The following TRPM5 variants were observed in gnomAD, a reference collection of about 807,000 sequenced individuals.
The protein encoded by TRPM5 is MLSN1 and TRP-related.
In TRPM5, 121 loss-of-function variants were observed where a neutral mutation model predicts 124.9. The observed-to-expected ratio is 0.97, with a 90% CI of 0.84 to 1.13. The LOEUF (loss-of-function observed/expected upper bound fraction) is 1.13. Among genes scored for constraint, TRPM5 ranks in the 50% most tolerant of loss-of-function variants. TRPM5 has a pLI of 0.00. For missense variants in TRPM5, 1,643 were observed against 1,589.1 expected (o/e 1.03, Z -0.58); for synonymous variants, 781 against 700.5 (o/e 1.11, Z -1.81).
rs779526516 is a variant in TRPM5 at position 2,407,930 on chromosome 11, T to C, written c.2783-18A>G. 3 of 1,611,748 alleles carry C rather than the reference T, an allele frequency of 1.9e-6. No individual in the cohort carries two copies. In the East Asian group the frequency reaches 6.7e-5, roughly 36 times the overall value. On this transcript the variant is annotated intron_variant, in intron 18 of 23. Coordinates refer to ENST00000155858, the Ensembl canonical transcript of TRPM5. ...ACGGGCTTCTGGAAAGCAAGGGTGC[T>C]GTGGGGACCAGACCGGGGGCAGCCA...
chr11:2,421,482 C>A (rs1312334407), intron 2 of TRPM5, among the ~76,000 whole-genome samples: 2 of 152,224 alleles, frequency 1.3e-5, no homozygotes, highest in African/African-American at 4.8e-5. Context: ...CACCGTGCTC[C>A]CTCCGGGACA....
exon 20 of TRPM5, chr11:2,407,137 G>A (rs768102056): frequency 6.2e-7 from 1 of 1,603,340 alleles, no homozygotes; most frequent in South Asian, 1.1e-5. Flanking sequence ...TCCCGCTTGT[G>A]CTCAGCCTCC....
intron 2 of TRPM5, among the ~76,000 whole-genome samples, 166 bp from the exon 8 acceptor site, chr11:2,421,364 G>T (rs1429411065): frequency 1.3e-5 from 2 of 152,226 alleles, no homozygotes; most frequent in African/African-American, 4.8e-5. Flanking sequence ...CCCAGAGAGG[G>T]CAAGGCACCC....
At chr11:2,415,229 C>G (rs1316355664) in exon 9 of TRPM5, 1 of 1,574,368 alleles carries the variant, frequency 6.4e-7, no homozygotes, top group Non-Finnish European at 8.6e-7. Context: ...AGGCCGGTGG[C>G]CCCGCGGGTG....
At chr11:2,429,062 T>A in the TRPM5 span, among the ~76,000 whole-genome samples, 1 of 151,174 alleles carries the variant, frequency 6.6e-6, no homozygotes. The surrounding 1 kb of genome is among the most constrained non-coding windows in gnomAD (Gnocchi z 8.4). Flanking sequence ...GTGGTGGTGA[T>A]GATGGTTGTG....
chr11:2,415,421 G>T, exon 9 of TRPM5: 1 of 1,593,252 alleles, frequency 6.3e-7, no homozygotes, highest in Non-Finnish European at 8.5e-7. Context: ...GCACAAACTC[G>T]GGCTTGTTGC....
chr11:2,436,673 G>C, the TRPM5 span, among the ~76,000 whole-genome samples: 1 of 152,208 alleles, frequency 6.6e-6, no homozygotes, highest in South Asian at 2.1e-4. Context: ...GTCAGCAGAG[G>C]GGCCCGTGCT....
At position 2,407,757 on chromosome 11, in the gene TRPM5, A is replaced by T; in HGVS notation, c.2936+2T>A. 1 of 1,613,394 alleles carries T rather than the reference A, an allele frequency of 6.2e-7. No individual in the cohort carries two copies. Among genetic ancestry groups the T allele is most frequent in the Non-Finnish European group, 8.5e-7 (1 of 1,179,858 alleles). ...TCTCCTCCAGGGGTTGGGTGGAGTC[A>T]CCTGAACATGGCGATGAGCAGGTTC... On this transcript the variant is annotated splice_donor_variant, in intron 19 of 23. Transcript: ENST00000155858. LOFTEE classifies it high-confidence loss of function.
chr11:2,434,198 A>T, the TRPM5 span, among the ~76,000 whole-genome samples: 1 of 144,894 alleles, frequency 6.9e-6, no homozygotes, highest in African/African-American at 2.6e-5. Context: ...ATGTGTGTGT[A>T]TGTGCACCAT....
chr11:2,406,797 G>A lies in TRPM5; in HGVS notation c.3119-4C>T. The A allele has an allele frequency of 6.2e-7, 1 of 1,609,462 alleles. No individual in the cohort carries two copies. Among genetic ancestry groups the A allele is most frequent in the Non-Finnish European group, 8.5e-7 (1 of 1,178,086 alleles). On this transcript the variant is annotated splice_region_variant and splice_polypyrimidine_tract_variant and intron_variant, in intron 20 of 23. Coordinates refer to ENST00000155858, the Ensembl canonical transcript of TRPM5. The stretch of plus-strand genomic sequence containing the variant: ...AGGGGGTCTGGCAGGTCTCTCTCTG[G>A]GAAAGCCAGGTGGCAGCCAGCATTA...
chr11:2,415,385 G>A (rs374536786), exon 9 of TRPM5: 115 of 1,590,726 alleles, frequency 7.2e-5, no homozygotes, highest in Non-Finnish European at 8.4e-5. Flanking sequence ...AGTCGGCCAC[G>A]TCTGCGCCGT....
intron 11 of TRPM5, 40 bp from the exon 17 acceptor site, chr11:2,414,246 T>A: frequency 6.3e-7 from 1 of 1,584,698 alleles, no homozygotes; most frequent in Non-Finnish European, 8.6e-7. Flanking sequence ...GAGACGCCGA[T>A]GCCCGGCCCG....
intron 13 of TRPM5, 101 bp downstream of exon 18, chr11:2,413,375 G>A: frequency 1.5e-6 from 2 of 1,324,482 alleles, no homozygotes; most frequent in Non-Finnish European, 2.1e-6. Context: ...GGGCTACAGA[G>A]TCAGGCTACC....
At chr11:2,413,180 C>G in exon 14 of TRPM5, 2 of 1,552,432 alleles carry the variant, frequency 1.3e-6, no homozygotes, top group Non-Finnish European at 1.7e-6. Context: ...TCCAGGCTGT[C>G]CAGGTCCTGC....
chr11:2,444,434 T>G, the TRPM5 span, among the ~76,000 whole-genome samples: 2 of 151,100 alleles, frequency 1.3e-5, no homozygotes, highest in Non-Finnish European at 2.9e-5. Context: ...GCCTTACCCC[T>G]TCCTCCCTGG....
chr11:2,420,769 C>T (rs1049620211), intron 3 of TRPM5, among the ~76,000 whole-genome samples: 3 of 152,320 alleles, frequency 2.0e-5, no homozygotes, highest in East Asian at 1.9e-4. Context: ...GCATGGGGGA[C>T]GGAAGCTGCT....
exon 17 of TRPM5, chr11:2,411,678 A>G: frequency 6.2e-7 from 1 of 1,612,544 alleles, no homozygotes; most frequent in Non-Finnish European, 8.5e-7. Flanking sequence ...CTGCTTGTGT[A>G]TGGCAAAGAT....
chr11:2,444,050 G>A, the TRPM5 span, among the ~76,000 whole-genome samples: 1 of 152,090 alleles, frequency 6.6e-6, no homozygotes, highest in Admixed American at 6.5e-5. Flanking sequence ...AGGCAGCCCC[G>A]CCTGCTATGC....
In TRPM5 at chr11:2,412,855, C is replaced by T. The variant is rs770374069; in HGVS notation, c.2254G>A (p.Val752Ile). ...GGCGGCCTGAAGTCCACCAGCAGGA[C>T]GTAGGTGAACAGGAAGAGGAAGGCG... Residue 752 changes from valine (V) to isoleucine (I), a missense_variant, in exon 15 of 24, where the codon GTC becomes ATC. Coordinates refer to ENST00000155858, the Ensembl canonical transcript of TRPM5. 1.4e-5 allele frequency: 23 copies of T among 1,601,182 alleles called. No homozygotes were observed. In the South Asian group the frequency reaches 1.5e-4, roughly 10 times the overall value.
Sources: gnomAD v4.1 joint callset for allele counts (sites outside exome capture counted in the v4.1 genomes callset) on GRCh38, gnomAD v4.1.1 for gene constraint, Gnocchi (gnomAD v3.1) non-coding constraint, MANE v1.5 for transcripts, NCBI Gene and HGNC (gene_info 2026-07-23, HGNC 2026-07-21) for gene names.